Variants in EIF2AK2 observed in about 807,000 individuals in gnomAD.
EIF2AK2 encodes the protein interferon-induced, double-stranded RNA-activated protein kinase.
A neutral mutation model predicts 70.5 loss-of-function variants in EIF2AK2; 40 were observed. The ratio of observed to expected loss-of-function variants is 0.57; its 90% CI spans 0.44 to 0.74. EIF2AK2 has a LOEUF of 0.74. EIF2AK2 is among the 30% of genes least tolerant of loss of function. The probability of loss-of-function intolerance (pLI) is 0.00; values close to 1 mark genes in which losing one functional copy is unlikely to be tolerated. For missense variants in EIF2AK2, 555 were observed against 644.3 expected (o/e 0.86, Z 1.50); for synonymous variants, 198 against 220.9 (o/e 0.90, Z 0.92).
intron 4 of EIF2AK2, 132 bp from the exon 5 acceptor site, chr2:37,141,833 T>C: frequency 6.0e-6 from 6 of 994,708 alleles, no homozygotes; most frequent in South Asian, 3.9e-5. Flanking sequence ...TTTCCTATTA[T>C]ATTACCTTGA....
intron 5 of EIF2AK2, among the ~76,000 whole-genome samples, chr2:37,141,320 C>T (rs4648176): frequency 0.03 from 4,580 of 152,256 alleles, 234 homozygotes; most frequent in African/African-American, 0.1. Flanking sequence ...CCAGCTACTT[C>T]TCTGAAATAA....
At chr2:37,114,216 C>T (rs943158744) in intron 14 of EIF2AK2, among the ~76,000 whole-genome samples, 1 of 152,092 alleles carries the variant, frequency 6.6e-6, no homozygotes, top group Non-Finnish European at 1.5e-5. Flanking sequence ...GGGAAGATTG[C>T]TTGAGCCCAA....
rs568015777 is a variant in EIF2AK2, at chr2:37,111,131, T to C, written c.1378-1836A>G. 1.6e-4 allele frequency among the ~76,000 whole-genome samples: 25 copies of C among 152,298 alleles called. No individual in the cohort carries two copies. In the East Asian group the frequency reaches 3.9e-3, roughly 24 times the overall value. On this transcript the variant is annotated intron_variant, in intron 14 of 16. Transcript: ENST00000233057. Reference sequence around the variant, plus strand: ...ATACAGACAGAAAGTAGAATGGTAGTTGATTGGGCTGTAGGGAGAGGAGAA... The same window carrying C: ...ATACAGACAGAAAGTAGAATGGTAGCTGATTGGGCTGTAGGGAGAGGAGAA...
intron 1 of EIF2AK2, among the ~76,000 whole-genome samples, chr2:37,152,738 A>G (rs1234539266): frequency 2.0e-5 from 3 of 152,234 alleles, no homozygotes; most frequent in Non-Finnish European, 4.4e-5. Context: ...TAAAGTTTAC[A>G]TATTCCTTAT....
At chr2:37,140,188 T>A (rs979730160) in intron 5 of EIF2AK2, among the ~76,000 whole-genome samples, 5 of 152,112 alleles carry the variant, frequency 3.3e-5, no homozygotes, top group Non-Finnish European at 5.9e-5. Flanking sequence ...GAGGTTATAG[T>A]GTAGGGGAAG....
At chr2:37,146,652 C>T (rs1200999555) in intron 4 of EIF2AK2, among the ~76,000 whole-genome samples, 2 of 152,124 alleles carry the variant, frequency 1.3e-5, no homozygotes, top group Non-Finnish European at 2.9e-5. Flanking sequence ...AACTATTATC[C>T]AGCTTTGCCC....
chr2:37,141,464 A>G lies in EIF2AK2; in HGVS notation c.389+89T>C, dbSNP rs996465432. The G allele has an allele frequency of 1.5e-5, 22 of 1,485,550 alleles. No homozygotes were observed. The Admixed American group carries it at 3.4e-4, about 23-fold the overall frequency. The allele number at this position is 1,485,550 out of a possible 1,614,324, so 92.0% of individuals were successfully genotyped here. On this transcript the variant is annotated intron_variant, in intron 5 of 16. Coordinates refer to ENST00000233057, the MANE Select transcript of EIF2AK2 (RefSeq NM_001135651.3). ...TTGCATACAGAATGCTTAAAAGGAC[A>G]CATATTTCTGGAAAATTAGACACGA... is the stretch of plus-strand genomic sequence containing the variant.
rs759646566 is a variant in EIF2AK2 at position 37,122,549 on chromosome 2, C to T, written c.1024G>A (p.Glu342Lys). 2.5e-6 allele frequency: 4 copies of T among 1,614,030 alleles called. No homozygotes were observed. The highest frequency in any genetic ancestry group is 3.4e-6 in the Non-Finnish European group (4 of 1,180,048). The stretch of plus-strand genomic sequence containing the variant: ...TTCTCAGGATCATAATCACTGCTCT[C>T]AAGAGAATCATCACTGGTCTCAGGA... ...YDPETSDDSLESSDYDPENSK... is the reference protein window; with the variant it reads ...YDPETSDDSLKSSDYDPENSK... Residue 342 changes from glutamate (E) to lysine (K), a missense_variant, in exon 12 of 17, where the codon GAG becomes AAG. Glu to Lys is a moderately conservative substitution (Grantham distance 56, BLOSUM62 1). Transcript: ENST00000233057.
intron 13 of EIF2AK2, among the ~76,000 whole-genome samples, chr2:37,119,455 G>A (rs1412879338): frequency 1.3e-5 from 2 of 152,170 alleles, no homozygotes; most frequent in African/African-American, 4.8e-5. Context: ...AACAGGGGCA[G>A]AGCAGCCAGT....
intron 1 of EIF2AK2, among the ~76,000 whole-genome samples, chr2:37,155,646 C>A (rs1477376811): frequency 2.0e-5 from 3 of 152,152 alleles, no homozygotes; most frequent in Non-Finnish European, 4.4e-5. Context: ...CTGGAAGAAA[C>A]CTCCATCATA....
At chr2:37,122,713 T>A (rs761449905) in intron 11 of EIF2AK2, 49 bp from the exon 12 acceptor site, 6 of 1,609,142 alleles carry the variant, frequency 3.7e-6, no homozygotes, top group Non-Finnish European at 5.1e-6. Context: ...ACATCCCTCA[T>A]AACAACCACA....
intron 10 of EIF2AK2, among the ~76,000 whole-genome samples, chr2:37,128,090 T>C (rs1196679009): frequency 1.3e-5 from 2 of 152,280 alleles, no homozygotes; most frequent in Admixed American, 6.5e-5. Context: ...TGAAACTCCA[T>C]GACAACAGGG....
At chr2:37,145,643 C>T (rs1470979876) in intron 4 of EIF2AK2, among the ~76,000 whole-genome samples, 1 of 151,514 alleles carries the variant, frequency 6.6e-6, no homozygotes, top group East Asian at 1.9e-4. Context: ...CCTTCACATT[C>T]ATTCACCACC....
chr2:37,107,223 A>T lies in EIF2AK2; in HGVS notation c.*50T>A. ...TGATATTCCCTAGCAGATTTTAGAT[A>T]ATTTAAGGAAAACTGCATATCAGAA... On this transcript the variant is annotated 3_prime_UTR_variant, in exon 17 of 17. Coordinates refer to ENST00000233057, the MANE Select transcript of EIF2AK2 (RefSeq NM_001135651.3). The T allele has an allele frequency of 6.3e-7, 1 of 1,576,832 alleles. No homozygotes were observed. The highest frequency in any genetic ancestry group is 8.6e-7 in the Non-Finnish European group (1 of 1,165,284).
At chr2:37,110,463 T>G (rs1428507813) in intron 14 of EIF2AK2, among the ~76,000 whole-genome samples, 2 of 152,034 alleles carry the variant, frequency 1.3e-5, no homozygotes, top group East Asian at 3.9e-4. Context: ...CAATGATGAA[T>G]GTTTTTAACC....
intron 4 of EIF2AK2, among the ~76,000 whole-genome samples, chr2:37,142,182 G>A (rs967300622): frequency 6.6e-6 from 1 of 152,070 alleles, no homozygotes; most frequent in East Asian, 1.9e-4. Flanking sequence ...CCAGGCTAGA[G>A]TGCAGTGGTG....
At chr2:37,113,972 C>A (rs867866934) in intron 14 of EIF2AK2, among the ~76,000 whole-genome samples, 1 of 152,244 alleles carries the variant, frequency 6.6e-6, no homozygotes, top group South Asian at 2.1e-4. Context: ...CAGATTATCA[C>A]AGAATTATTT....
intron 5 of EIF2AK2, among the ~76,000 whole-genome samples, chr2:37,140,674 T>G (rs1675298791): frequency 6.6e-6 from 1 of 151,610 alleles, no homozygotes; most frequent in South Asian, 2.1e-4. Flanking sequence ...ACCAAAAAAG[T>G]GAGCTACAGA....
chr2:37,099,790 G>A lies in EIF2AK2; in HGVS notation c.*7483C>T, dbSNP rs925355139. On this transcript the variant is annotated 3_prime_UTR_variant, in exon 17 of 17. Transcript: ENST00000233057. ...CAGCTGATGAATGGATACATAAAAT[G>A]CGACATATCCATATGATAGAATATT... 5 of 152,156 alleles carry A rather than the reference G, an allele frequency of 3.3e-5. No individual in the cohort carries two copies. The highest frequency in any genetic ancestry group is 3.3e-4 in the Admixed American group (5 of 15,280). The allele number at this position is 152,156 out of a possible 1,614,324, so 9.4% of individuals were successfully genotyped here.
Sources: gnomAD v4.1 joint callset for allele counts (sites outside exome capture counted in the v4.1 genomes callset) on GRCh38, gnomAD v4.1.1 for gene constraint, MANE v1.5 for transcripts, NCBI Gene and HGNC (gene_info 2026-07-23, HGNC 2026-07-21) for gene names.